The following FAT3 variants were observed in gnomAD, a reference collection of about 807,000 sequenced individuals.
The protein encoded by FAT3 is FAT atypical cadherin 3.
A neutral mutation model predicts 310.2 loss-of-function variants in FAT3; 95 were observed. The ratio of observed to expected loss-of-function variants is 0.31; its 90% CI spans 0.26 to 0.36. FAT3 has a LOEUF of 0.36. Among genes scored for constraint, FAT3 ranks in the 10% least tolerant of loss-of-function variants. The probability of loss-of-function intolerance (pLI) is 1.00; values close to 1 mark genes in which losing one functional copy is unlikely to be tolerated. For synonymous variants in FAT3, 2,314 were observed against 2,192.9 expected, an observed-to-expected ratio of 1.06 and a Z score of -1.54; for missense variants, 5,408 against 5,715.6, an observed-to-expected ratio of 0.95 and a Z score of 1.74.
In FAT3 at chr11:92,641,227, A is replaced by G. The variant is rs552180949; in HGVS notation, c.3608-56157A>G. Among the ~76,000 whole-genome samples the G allele has an allele frequency of 2.8e-4, 43 of 152,154 alleles. No individual in the cohort carries two copies. The South Asian group carries it at 8.9e-3, about 32-fold the overall frequency. Reference sequence around the variant, plus strand: ...ACACAAAAAATGTTCACCATATACTATGCATTCTCTCTCAATATATCTCTC... The same window carrying G: ...ACACAAAAAATGTTCACCATATACTGTGCATTCTCTCTCAATATATCTCTC... On this transcript the variant is annotated intron_variant, in intron 3 of 27. Coordinates refer to ENST00000525166, the MANE Select transcript of FAT3 (RefSeq NM_001367949.2).
rs989108897 is a variant in FAT3 at position 92,225,015 on chromosome 11, C to A, written c.-177C>A. Reference sequence around the variant, plus strand: ...CGGCGGCGGCGTCCCGAGCGCAGAGCGCTTCTGCTCGCGGCCTCAGTCCCG... The same window carrying A: ...CGGCGGCGGCGTCCCGAGCGCAGAGAGCTTCTGCTCGCGGCCTCAGTCCCG... On this transcript the variant is annotated 5_prime_UTR_variant, in exon 1 of 28. Coordinates refer to ENST00000525166, the MANE Select transcript of FAT3 (RefSeq NM_001367949.2). 2.0e-5 allele frequency among the ~76,000 whole-genome samples: 3 copies of A among 152,080 alleles called. No homozygotes were observed. Among genetic ancestry groups the A allele is most frequent in the African/African-American group, 4.8e-5 (2 of 41,422 alleles).
intron 13 of FAT3, among the ~76,000 whole-genome samples, chr11:92,831,143 CA>C (rs755737450): frequency 6.6e-6 from 1 of 152,188 alleles, no homozygotes; most frequent in Non-Finnish European, 1.5e-5. Flanking sequence ...CCCTCACCAC[CA>C]CTACAGCCCC....
chr11:92,731,371 GA>G (rs1945172634), intron 4 of FAT3, among the ~76,000 whole-genome samples: 1 of 152,046 alleles, frequency 6.6e-6, no homozygotes, highest in Non-Finnish European at 1.5e-5. Context: ...CATCCTACAG[GA>G]CAGCCCCCAC....
chr11:92,773,236 T>C (rs1946503533), intron 6 of FAT3, among the ~76,000 whole-genome samples: 2 of 152,172 alleles, frequency 1.3e-5, no homozygotes, highest in East Asian at 1.9e-4. Context: ...AATGGCAGTG[T>C]TGTCTTAAGC....
intron 3 of FAT3, among the ~76,000 whole-genome samples, chr11:92,621,090 G>A (rs1295794465): frequency 2.0e-5 from 3 of 152,204 alleles, no homozygotes; most frequent in African/African-American, 7.2e-5. Context: ...TTTGGGGTTG[G>A]GAGGGACACA....
intron 3 of FAT3, among the ~76,000 whole-genome samples, chr11:92,626,219 TTG>T (rs1941328773): frequency 6.6e-6 from 1 of 152,190 alleles, no homozygotes; most frequent in Non-Finnish European, 1.5e-5. Context: ...GGAATTATAT[TTG>T]TCTAAATTAT....
chr11:92,790,151 C>T lies in FAT3; in HGVS notation c.4544C>T (p.Thr1515Ile). ...SMRKFRIDPS[T>I]GVLYTAERLD... ...AGAAAATTCCGGATTGACCCTAGCA[C>T]TGGCGTGCTCTATACTGCCGAGAGG... Residue 1515 changes from threonine to isoleucine, a missense_variant, in exon 8 of 28, where the codon ACT becomes ATT. Coordinates refer to ENST00000525166, the MANE Select transcript of FAT3 (RefSeq NM_001367949.2). The T allele has an allele frequency of 6.2e-7, 1 of 1,613,800 alleles. No individual in the cohort carries two copies.
Position 92,804,596 on chromosome 11 carries a change from C to G in FAT3, c.8897-557C>G, listed in dbSNP as rs537953552. 2.9e-3 allele frequency among the ~76,000 whole-genome samples: 440 copies of G among 152,278 alleles called. 2 individuals are homozygous for G. Among genetic ancestry groups the G allele is most frequent in the African/African-American group, 9.6e-3 (401 of 41,556 alleles). On this transcript the variant is annotated intron_variant, in intron 10 of 27. Transcript: ENST00000525166. ...CTTTGAACTGCTTTTTAAATGACCC[C>G]TCGTTAGGGCTATTTAACACTAATG...
At chr11:92,344,313 A>G (rs1948352206) in intron 1 of FAT3, among the ~76,000 whole-genome samples, 1 of 152,116 alleles carries the variant, frequency 6.6e-6, no homozygotes, top group Non-Finnish European at 1.5e-5. Context: ...TTCATCCCTC[A>G]CTGTTCCTCC....
intron 1 of FAT3, among the ~76,000 whole-genome samples, chr11:92,229,514 G>C (rs1551607): frequency 6.7e-5 from 4 of 59,302 alleles, no homozygotes; most frequent in African/African-American, 1.2e-4. Flanking sequence ...TTTGTTTTTT[G>C]TTTTTTTTTA....
At chr11:92,490,393 T>C (rs1219499839) in intron 2 of FAT3, among the ~76,000 whole-genome samples, 1 of 152,160 alleles carries the variant, frequency 6.6e-6, no homozygotes, top group Non-Finnish European at 1.5e-5. Flanking sequence ...GTCTCAACTT[T>C]ACTTTGTAGC....
intron 4 of FAT3, among the ~76,000 whole-genome samples, chr11:92,697,719 A>G (rs561638914): frequency 3.9e-4 from 60 of 152,332 alleles, no homozygotes; most frequent in African/African-American, 1.4e-3. Flanking sequence ...CCTCGTGTCA[A>G]TAATCAGAAA....
chr11:92,727,496 A>G (rs1467197622), intron 4 of FAT3, among the ~76,000 whole-genome samples: 1 of 152,218 alleles, frequency 6.6e-6, no homozygotes, highest in Admixed American at 6.5e-5. Flanking sequence ...GACCTGGTAG[A>G]TAACCTTTTA....
intron 7 of FAT3, 84 bp downstream of exon 7, chr11:92,774,264 G>A: frequency 7.2e-7 from 1 of 1,384,728 alleles, no homozygotes; most frequent in Non-Finnish European, 9.7e-7. Context: ...AAAATGTAAT[G>A]GAAGTAGTAA....
At chr11:92,342,583 T>C (rs1004208948) in intron 1 of FAT3, among the ~76,000 whole-genome samples, 1 of 152,192 alleles carries the variant, frequency 6.6e-6, no homozygotes, top group African/African-American at 2.4e-5. Flanking sequence ...CCAAGCACTT[T>C]TTTTTCTGAA....
intron 1 of FAT3, among the ~76,000 whole-genome samples, chr11:92,297,843 CTT>C (rs1321482757): frequency 2.0e-5 from 3 of 152,110 alleles, no homozygotes; most frequent in Non-Finnish European, 4.4e-5. Flanking sequence ...TGTAAATTCT[CTT>C]TTGAAATCTT....
chr11:92,346,273 A>G (rs1372271459), intron 1 of FAT3, among the ~76,000 whole-genome samples: 1 of 152,206 alleles, frequency 6.6e-6, no homozygotes, highest in Non-Finnish European at 1.5e-5. Context: ...TCTGGGACTC[A>G]TCATTGCAAG....
At chr11:92,462,525 T>A (rs1484955600) in intron 2 of FAT3, among the ~76,000 whole-genome samples, 1 of 152,160 alleles carries the variant, frequency 6.6e-6, no homozygotes, top group Non-Finnish European at 1.5e-5. Context: ...TATCCTGCTG[T>A]TTCAAGAATC....
intron 1 of FAT3, among the ~76,000 whole-genome samples, chr11:92,261,001 G>A (rs1308808803): frequency 3.9e-5 from 6 of 152,074 alleles, no homozygotes; most frequent in Admixed American, 3.3e-4. Context: ...TGTGGGTAGT[G>A]TGCTGATAGT....
Sources: allele counts gnomAD v4.1 joint callset (sites outside exome capture counted in the v4.1 genomes callset), GRCh38; gene constraint gnomAD v4.1.1; transcripts MANE v1.5; gene names NCBI Gene and HGNC (gene_info 2026-07-23, HGNC 2026-07-21).